RNLS: variants seen among roughly 807,000 people sequenced by gnomAD.
RNLS encodes the protein renalase, FAD dependent amine oxidase, also known as renalase.
A neutral mutation model predicts 39.8 loss-of-function variants in RNLS; 39 were observed. The ratio of observed to expected loss-of-function variants is 0.98; its 90% CI spans 0.76 to 1.28. The LOEUF (loss-of-function observed/expected upper bound fraction) is 1.28, where lower values mean the gene tolerates loss of function less well. Among genes scored for constraint, RNLS ranks in the 50% most tolerant of loss-of-function variants. RNLS has a pLI of 0.00. For synonymous variants in RNLS, 147 were observed against 150.7 expected (o/e 0.98, Z 0.18); for missense variants, 410 against 413.3 (o/e 0.99, Z 0.07).
At chr10:88,473,161 T>C (rs1048755713) in intron 4 of RNLS, among the ~76,000 whole-genome samples, 6 of 151,988 alleles carry the variant, frequency 3.9e-5, no homozygotes, top group African/African-American at 1.4e-4. Flanking sequence ...CAGGTAAAAA[T>C]AGAAAAGGTA....
At chr10:88,399,862 A>C (rs1852805831) in intron 4 of RNLS, among the ~76,000 whole-genome samples, 1 of 152,062 alleles carries the variant, frequency 6.6e-6, no homozygotes, top group South Asian at 2.1e-4. Context: ...TCTATAAGTC[A>C]GCAGTTTCAT....
intron 4 of RNLS, among the ~76,000 whole-genome samples, chr10:88,414,216 T>A (rs971985042): frequency 1.3e-5 from 2 of 150,490 alleles, no homozygotes; most frequent in Non-Finnish European, 2.9e-5. Context: ...AAAAACAGGC[T>A]TTCTGTGAGC....
chr10:88,387,080 T>A (rs1382327030), intron 4 of RNLS, among the ~76,000 whole-genome samples: 2 of 152,190 alleles, frequency 1.3e-5, no homozygotes, highest in African/African-American at 4.8e-5. Context: ...TTTGCTTCAA[T>A]ATTGAACATG....
chr10:88,330,070 G>GATATATATATATATATATATATATAT lies in RNLS; in HGVS notation c.701-15430_701-15429insATATATATATATATATATATATATAT, dbSNP rs59527333. Among the ~76,000 whole-genome samples, 7 of 140,522 alleles carry GATATATATATATATATATATATATAT rather than the reference G, an allele frequency of 5.0e-5. No individual in the cohort carries two copies. In the South Asian group the frequency reaches 1.1e-3, roughly 22 times the overall value. The allele number at this position is 140,522 out of a possible 152,430, so 92.2% of individuals were successfully genotyped here. Reference sequence around the variant, plus strand: ...TTGCATGGTTTTCTGTCTGTTTTGAGATATATATATATATATATATAAATA... The same window carrying GATATATATATATATATATATATATAT: ...TTGCATGGTTTTCTGTCTGTTTTGAGATATATATATATATATATATATATATATATATATATATATATATATAAATA... On this transcript the variant is annotated intron_variant, in intron 5 of 6. Coordinates refer to ENST00000331772, the MANE Select transcript of RNLS (RefSeq NM_001031709.3).
intron 5 of RNLS, among the ~76,000 whole-genome samples, chr10:88,354,203 T>C (rs1465043574): frequency 1.3e-5 from 2 of 152,226 alleles, no homozygotes; most frequent in Non-Finnish European, 2.9e-5. Flanking sequence ...TTGGAGCATT[T>C]AGCCTGTTTA....
intron 4 of RNLS, among the ~76,000 whole-genome samples, chr10:88,421,178 C>T (rs1215060770): frequency 6.6e-6 from 1 of 152,110 alleles, no homozygotes; most frequent in African/African-American, 2.4e-5. Flanking sequence ...TGCCAAGGGT[C>T]CTCCCTTTTC....
chr10:88,319,098 C>G (rs1382608370), intron 5 of RNLS, among the ~76,000 whole-genome samples: 1 of 152,126 alleles, frequency 6.6e-6, no homozygotes, highest in Non-Finnish European at 1.5e-5. Context: ...AGTGTTAGCT[C>G]ATATGTCAAA....
At chr10:88,438,118 C>T (rs1337985585) in intron 4 of RNLS, among the ~76,000 whole-genome samples, 5 of 113,364 alleles carry the variant, frequency 4.4e-5, no homozygotes, top group African/African-American at 1.7e-4. Context: ...AAGAGTGAAA[C>T]TCCTAAAAAA....
intron 5 of RNLS, among the ~76,000 whole-genome samples, chr10:88,341,369 A>T (rs1235813024): frequency 6.6e-6 from 1 of 151,766 alleles, no homozygotes; most frequent in African/African-American, 2.4e-5. Context: ...ACAAACAAGA[A>T]TATTGGCTGT....
intron 5 of RNLS, 91 bp downstream of exon 5, chr10:88,362,461 T>C: frequency 8.1e-7 from 1 of 1,232,662 alleles, no homozygotes; most frequent in Non-Finnish European, 1.1e-6. Flanking sequence ...GCTTGCTCTG[T>C]TCAGAATGGC....
intron 4 of RNLS, among the ~76,000 whole-genome samples, chr10:88,383,357 T>G (rs1419026177): frequency 6.6e-6 from 1 of 152,108 alleles, no homozygotes; most frequent in Non-Finnish European, 1.5e-5. Context: ...TCTTTAAAAA[T>G]TCAACCTAAA....
the RNLS span, among the ~76,000 whole-genome samples, chr10:88,182,171 G>A: frequency 6.6e-6 from 1 of 152,056 alleles, no homozygotes; most frequent in African/African-American, 2.4e-5. Context: ...GAGCCTCAAG[G>A]GTAGCTTTGC....
At chr10:88,219,100 G>A in the RNLS span, among the ~76,000 whole-genome samples, 1 of 152,110 alleles carries the variant, frequency 6.6e-6, no homozygotes, top group East Asian at 1.9e-4. Context: ...ATGCTGATGA[G>A]ACCATGAATT....
At chr10:88,235,068 T>C in the RNLS span, among the ~76,000 whole-genome samples, 28 of 152,000 alleles carry the variant, frequency 1.8e-4, no homozygotes, top group African/African-American at 6.8e-4. Context: ...GAGACCATCC[T>C]GGCTAACACG....
At chr10:88,394,056 G>T (rs1045835706) in intron 4 of RNLS, among the ~76,000 whole-genome samples, 1 of 152,252 alleles carries the variant, frequency 6.6e-6, no homozygotes, top group East Asian at 1.9e-4. Context: ...ATGGATTAAA[G>T]ACTTAAATGT....
At chr10:88,222,883 G>A in the RNLS span, among the ~76,000 whole-genome samples, 3 of 152,224 alleles carry the variant, frequency 2.0e-5, no homozygotes, top group Non-Finnish European at 4.4e-5. Context: ...GCTATAGTCA[G>A]CTTCCTGGCC....
At position 88,310,824 on chromosome 10, in the gene RNLS, A is replaced by AAAAAAAAAAAAAAAAAAAG. The variant is rs1217903555; in HGVS notation, c.876+3641_876+3642insCTTTTTTTTTTTTTTTTTT. Among the ~76,000 whole-genome samples, 643 of 113,212 alleles carry AAAAAAAAAAAAAAAAAAAG rather than the reference A, an allele frequency of 5.7e-3. 34 individuals carry two copies. The highest frequency in any genetic ancestry group is 8.8e-3 in the Middle Eastern group (2 of 226). The allele number at this position is 113,212 out of a possible 152,430, so 74.3% of individuals were successfully genotyped here. On this transcript the variant is annotated intron_variant, in intron 6 of 6. Coordinates refer to ENST00000331772, the MANE Select transcript of RNLS (RefSeq NM_001031709.3). Reference sequence around the variant, plus strand: ...GCCAAAAAAAAAAAAAAAAAAAAAAAAAAGAAAGAAAAGGAAGAGAAAAGG... The same window carrying AAAAAAAAAAAAAAAAAAAG: ...GCCAAAAAAAAAAAAAAAAAAAAAAAAAAAAAAAAAAAAAAAAAGAAAGAAAGAAAAGGAAGAGAAAAGG...
chr10:88,177,695 C>A, the RNLS span, among the ~76,000 whole-genome samples: 1 of 152,186 alleles, frequency 6.6e-6, no homozygotes, highest in East Asian at 1.9e-4. Context: ...GTGCATCTGG[C>A]AGAACAGTCA....
intron 4 of RNLS, among the ~76,000 whole-genome samples, chr10:88,471,743 G>T (rs1403021320): frequency 6.6e-6 from 1 of 152,138 alleles, no homozygotes; most frequent in East Asian, 1.9e-4. Context: ...GAAACCAGGT[G>T]CAAGGTTTTT....
Sources: allele counts gnomAD v4.1 joint callset (sites outside exome capture counted in the v4.1 genomes callset), GRCh38; gene constraint gnomAD v4.1.1; transcripts MANE v1.5; gene names NCBI Gene and HGNC (gene_info 2026-07-23, HGNC 2026-07-21).